The following SAMD3 variants were observed in gnomAD, a reference collection of about 807,000 sequenced individuals.
SAMD3 encodes sterile alpha motif domain-containing protein 3.
Under a neutral mutation model 58.5 loss-of-function variants are expected in SAMD3, and 63 were observed. The ratio of observed to expected loss-of-function variants is 1.08; its 90% CI spans 0.88 to 1.33. The LOEUF is 1.33. SAMD3 is among the 40% of genes most tolerant of loss of function. SAMD3 has a pLI of 0.00. For synonymous variants in SAMD3, 220 were observed against 210.3 expected, an observed-to-expected ratio of 1.05 and a Z score of -0.40; for missense variants, 604 against 608.4, an observed-to-expected ratio of 0.99 and a Z score of 0.08.
chr6:130,355,479 G>A (rs1188331660), intron 1 of SAMD3, among the ~76,000 whole-genome samples: 1 of 152,052 alleles, frequency 6.6e-6, no homozygotes, highest in Non-Finnish European at 1.5e-5. Flanking sequence ...TGTCACCTCC[G>A]TTTTTAAACT....
chr6:130,189,871 G>A (rs1390063850), intron 5 of SAMD3, among the ~76,000 whole-genome samples: 2 of 152,214 alleles, frequency 1.3e-5, no homozygotes, highest in African/African-American at 2.4e-5. Context: ...AGAACAAGAG[G>A]AAGACACTGG....
At chr6:130,338,954 T>G (rs1053735335) in intron 1 of SAMD3, among the ~76,000 whole-genome samples, 1 of 152,090 alleles carries the variant, frequency 6.6e-6, no homozygotes, top group Non-Finnish European at 1.5e-5. Flanking sequence ...GCATGATTGG[T>G]TTTGAAATGT....
chr6:130,145,033 G>T (rs186710005), intron 11 of SAMD3, among the ~76,000 whole-genome samples: 3 of 152,328 alleles, frequency 2.0e-5, no homozygotes, highest in Admixed American at 2.0e-4. Flanking sequence ...GCCAAGGCAG[G>T]TGGATCACCT....
intron 2 of SAMD3, among the ~76,000 whole-genome samples, chr6:130,271,427 T>C (rs1392291267): frequency 6.6e-6 from 1 of 152,238 alleles, no homozygotes; most frequent in Admixed American, 6.5e-5. Context: ...TTATTAGCAT[T>C]TTTAAGATTG....
intron 2 of SAMD3, among the ~76,000 whole-genome samples, chr6:130,251,482 GT>G (rs904033219): frequency 6.4e-5 from 9 of 139,592 alleles, no homozygotes; most frequent in African/African-American, 1.4e-4. Flanking sequence ...TTTTTCGTCT[GT>G]TTTTTTCTAA....
At chr6:130,301,100 GA>G (rs969028428) in intron 2 of SAMD3, among the ~76,000 whole-genome samples, 5 of 152,118 alleles carry the variant, frequency 3.3e-5, no homozygotes, top group African/African-American at 1.2e-4. Context: ...ATAATTTGCT[GA>G]GAATGATGGT....
At chr6:130,298,656 C>T (rs1775648286) in intron 2 of SAMD3, among the ~76,000 whole-genome samples, 1 of 151,960 alleles carries the variant, frequency 6.6e-6, no homozygotes. Flanking sequence ...AAACAAAAAG[C>T]TTAAATGCTT....
At chr6:130,181,059 G>C in intron 7 of SAMD3, among the ~76,000 whole-genome samples, 1 of 150,470 alleles carries the variant, frequency 6.6e-6, no homozygotes, top group Admixed American at 6.7e-5. Flanking sequence ...CGATTCTCCT[G>C]CCTCAGCCTC....
chr6:130,153,516 G>A (rs1789408050), intron 9 of SAMD3, among the ~76,000 whole-genome samples: 3 of 151,350 alleles, frequency 2.0e-5, no homozygotes, highest in South Asian at 2.1e-4. Flanking sequence ...ATATGTTCTC[G>A]GGTAAAACCT....
intron 7 of SAMD3, chr6:130,176,218 G>C: frequency 1.6e-6 from 1 of 617,604 alleles, no homozygotes; most frequent in South Asian, 1.8e-5. Context: ...CTAAGTTATA[G>C]GTAAGCAGAC....
intron 1 of SAMD3, among the ~76,000 whole-genome samples, chr6:130,345,744 G>A (rs999193839): frequency 6.6e-6 from 1 of 152,170 alleles, no homozygotes; most frequent in Non-Finnish European, 1.5e-5. Context: ...GAATTTGTCA[G>A]TTGTCCTCAA....
intron 2 of SAMD3, among the ~76,000 whole-genome samples, chr6:130,284,717 T>C (rs1245481883): frequency 2.0e-5 from 3 of 152,162 alleles, no homozygotes; most frequent in Admixed American, 6.5e-5. Flanking sequence ...ATTAGGCTAG[T>C]GTATCTATAT....
At chr6:130,335,773 C>A (rs540605556) in intron 1 of SAMD3, among the ~76,000 whole-genome samples, 81 of 152,174 alleles carry the variant, frequency 5.3e-4, no homozygotes, top group African/African-American at 1.8e-3. Flanking sequence ...CCAAATGTCC[C>A]ACAATGATAG....
intron 2 of SAMD3, among the ~76,000 whole-genome samples, chr6:130,254,393 G>A (rs929216718): frequency 6.6e-6 from 1 of 151,832 alleles, no homozygotes; most frequent in Admixed American, 6.6e-5. Flanking sequence ...ACAGGCTTTG[G>A]CCATGTTGGG....
intron 2 of SAMD3, among the ~76,000 whole-genome samples, chr6:130,250,022 G>T (rs1313558136): frequency 6.6e-6 from 1 of 152,040 alleles, no homozygotes; most frequent in Admixed American, 6.6e-5. Flanking sequence ...AAACAACACG[G>T]TGCTCCCAGG....
intron 2 of SAMD3, among the ~76,000 whole-genome samples, chr6:130,307,010 TTCTC>T (rs1465621246): frequency 6.6e-6 from 1 of 152,236 alleles, no homozygotes; most frequent in Non-Finnish European, 1.5e-5. Flanking sequence ...TATTCTCTCA[TTCTC>T]TCTGTTTCCT....
intron 2 of SAMD3, among the ~76,000 whole-genome samples, chr6:130,240,130 G>A (rs1773304802): frequency 6.6e-6 from 1 of 152,108 alleles, no homozygotes; most frequent in Admixed American, 6.6e-5. Flanking sequence ...GTCCCTTCAT[G>A]GAAAAAATAG....
intron 2 of SAMD3, among the ~76,000 whole-genome samples, chr6:130,240,656 G>A (rs1582994072): frequency 6.6e-6 from 1 of 152,032 alleles, no homozygotes; most frequent in East Asian, 1.9e-4. Context: ...AGGTTGTGAG[G>A]GCCCTTCCCT....
chr6:130,273,963 T>C (rs917704735), intron 2 of SAMD3, among the ~76,000 whole-genome samples: 3 of 152,216 alleles, frequency 2.0e-5, no homozygotes, highest in Non-Finnish European at 2.9e-5. Context: ...TCTGTTTATA[T>C]ACTTAACTCT....
Sources: gnomAD v4.1 joint callset for allele counts (sites outside exome capture counted in the v4.1 genomes callset) on GRCh38, gnomAD v4.1.1 for gene constraint, MANE v1.5 for transcripts, NCBI Gene and HGNC (gene_info 2026-07-23, HGNC 2026-07-21) for gene names.